CADM2: variants seen among roughly 807,000 people sequenced by gnomAD.
CADM2 encodes the protein immunoglobulin superfamily member 4D.
CADM2 carries 12 observed loss-of-function variants against 49.8 expected under a neutral mutation model. That is an observed-to-expected ratio of 0.24 (90% confidence interval 0.15 to 0.39). The LOEUF (loss-of-function observed/expected upper bound fraction) is 0.39, where lower values mean the gene tolerates loss of function less well. CADM2 is among the 10% of genes least tolerant of loss of function. The probability of loss-of-function intolerance (pLI) is 1.00; values close to 1 mark genes in which losing one functional copy is unlikely to be tolerated. For synonymous variants in CADM2, 214 were observed against 175.4 expected (o/e 1.22, Z -1.74); for missense variants, 378 against 492.3 (o/e 0.77, Z 2.20).
At chr3:85,983,267 T>A (rs1727686207) in intron 8 of CADM2, among the ~76,000 whole-genome samples, 1 of 151,688 alleles carries the variant, frequency 6.6e-6, no homozygotes, top group African/African-American at 2.4e-5. Flanking sequence ...GAAGAAGAAC[T>A]TCAACCACAT....
chr3:85,415,050 A>C (rs1464857771), intron 1 of CADM2, among the ~76,000 whole-genome samples: 1 of 152,174 alleles, frequency 6.6e-6, no homozygotes, highest in African/African-American at 2.4e-5. Flanking sequence ...TTTGGTATGA[A>C]AAATAATTCT....
At chr3:85,995,827 C>G (rs9841158) in intron 8 of CADM2, among the ~76,000 whole-genome samples, 1 of 151,944 alleles carries the variant, frequency 6.6e-6, no homozygotes, top group Non-Finnish European at 1.5e-5. Flanking sequence ...CAGTGTCTCA[C>G]GCCTGTAATT....
At chr3:85,606,393 C>A (rs2063539740) in intron 1 of CADM2, among the ~76,000 whole-genome samples, 1 of 151,998 alleles carries the variant, frequency 6.6e-6, no homozygotes, top group Non-Finnish European at 1.5e-5. Context: ...AATTGCACAG[C>A]AAAATTGGAG....
At chr3:85,242,326 G>GA (rs113332784) in intron 1 of CADM2, among the ~76,000 whole-genome samples, 15 of 149,232 alleles carry the variant, frequency 1.0e-4, no homozygotes, top group Non-Finnish European at 9.0e-5. Flanking sequence ...TTGAAGGGGT[G>GA]AAAAAAAACA....
intron 1 of CADM2, among the ~76,000 whole-genome samples, chr3:85,377,449 T>C (rs1426502272): frequency 1.3e-5 from 2 of 152,194 alleles, no homozygotes; most frequent in East Asian, 1.9e-4. Context: ...AGGATTTATA[T>C]GCACTTCACA....
intron 1 of CADM2, among the ~76,000 whole-genome samples, chr3:85,217,602 A>AT (rs2107785056): frequency 6.6e-6 from 1 of 152,198 alleles, no homozygotes; most frequent in Admixed American, 6.5e-5. Flanking sequence ...GCATAAAAAT[A>AT]TTATAGCACT....
At chr3:85,283,054 A>G (rs1042759662) in intron 1 of CADM2, among the ~76,000 whole-genome samples, 11 of 152,050 alleles carry the variant, frequency 7.2e-5, no homozygotes, top group African/African-American at 2.2e-4. Context: ...AAGTCAAAAA[A>G]AGTTGGTAGA....
chr3:85,096,287 A>G (rs2037791265), intron 1 of CADM2, among the ~76,000 whole-genome samples: 2 of 152,222 alleles, frequency 1.3e-5, no homozygotes, highest in Admixed American at 1.3e-4. Flanking sequence ...ATTACACTAG[A>G]GCAGCATAAC....
At chr3:85,735,403 A>T (rs2068094749) in intron 2 of CADM2, among the ~76,000 whole-genome samples, 1 of 152,180 alleles carries the variant, frequency 6.6e-6, no homozygotes, top group African/African-American at 2.4e-5. Flanking sequence ...TAAGAATAGA[A>T]AAGCATGAGC....
At chr3:85,130,234 C>A (rs1385351127) in intron 1 of CADM2, among the ~76,000 whole-genome samples, 1 of 152,140 alleles carries the variant, frequency 6.6e-6, no homozygotes, top group East Asian at 1.9e-4. Context: ...TGAATAAAAA[C>A]CAAATTTTAA....
At chr3:85,552,839 G>C (rs1479266452) in intron 1 of CADM2, among the ~76,000 whole-genome samples, 1 of 151,790 alleles carries the variant, frequency 6.6e-6, no homozygotes, top group Non-Finnish European at 1.5e-5. Flanking sequence ...ACCACGCCCA[G>C]CAAATTTTTT....
intron 1 of CADM2, among the ~76,000 whole-genome samples, chr3:85,335,849 T>A (rs747055446): frequency 4.6e-5 from 7 of 151,606 alleles, no homozygotes; most frequent in Middle Eastern, 3.4e-3. Context: ...AGTCTATTTG[T>A]CCATGCAGAA....
At chr3:86,009,818 G>T (rs1012927446) in intron 8 of CADM2, among the ~76,000 whole-genome samples, 4 of 151,568 alleles carry the variant, frequency 2.6e-5, no homozygotes. Context: ...TTTAAAAATT[G>T]TGTATATACA....
chr3:85,189,825 C>T (rs1459185827), intron 1 of CADM2, among the ~76,000 whole-genome samples: 2 of 152,144 alleles, frequency 1.3e-5, no homozygotes, highest in Non-Finnish European at 2.9e-5. Context: ...CTTACACGCT[C>T]ACTCAAATGG....
At chr3:85,104,884 GTA>G (rs1207530405) in intron 1 of CADM2, among the ~76,000 whole-genome samples, 3 of 152,112 alleles carry the variant, frequency 2.0e-5, no homozygotes, top group African/African-American at 7.2e-5. Flanking sequence ...TGTTATTGGT[GTA>G]TAAGAATGCT....
rs1377055706 is a variant in CADM2, at chr3:86,070,505, G to A, written c.*3722G>A. 4 of 151,846 alleles carry A rather than the reference G, an allele frequency of 2.6e-5. No individual in the cohort carries two copies. The highest frequency in any genetic ancestry group is 4.4e-5 in the Non-Finnish European group (3 of 67,854). The allele number at this position is 151,846 out of a possible 1,614,324, so 9.4% of individuals were successfully genotyped here. On this transcript the variant is annotated 3_prime_UTR_variant, in exon 10 of 10. Coordinates refer to ENST00000383699, the MANE Select transcript of CADM2 (RefSeq NM_001167675.2). ...AAATTTTACATTATGCTTTTTAATT[G>A]TGGAGAAAATGCAAAACCTCATGTC...
At chr3:86,044,415 C>A (rs1239384400) in intron 8 of CADM2, among the ~76,000 whole-genome samples, 2 of 152,202 alleles carry the variant, frequency 1.3e-5, no homozygotes, top group Admixed American at 1.3e-4. Flanking sequence ...TGAACAGACA[C>A]TTCTCAAAAG....
chr3:85,384,103 A>G (rs770877759), intron 1 of CADM2, among the ~76,000 whole-genome samples: 22 of 152,224 alleles, frequency 1.4e-4, no homozygotes, highest in African/African-American at 4.8e-4. Flanking sequence ...ACTTCCACCA[A>G]TGTTGCATAT....
chr3:84,959,734 C>G, intron 1 of CADM2, 66 bp downstream of exon 1: 1 of 1,409,966 alleles, frequency 7.1e-7, no homozygotes, highest in South Asian at 1.2e-5. Flanking sequence ...CCATTCCACC[C>G]CATATTTCCA....
Sources: gnomAD v4.1 joint callset for allele counts (sites outside exome capture counted in the v4.1 genomes callset) on GRCh38, gnomAD v4.1.1 for gene constraint, MANE v1.5 for transcripts, NCBI Gene and HGNC (gene_info 2026-07-23, HGNC 2026-07-21) for gene names.